Variants in TPH2 observed in about 807,000 individuals in gnomAD.
The protein encoded by TPH2 is tryptophan hydroxylase 2.
In TPH2, 27 loss-of-function variants were observed where a neutral mutation model predicts 59.1. The ratio of observed to expected loss-of-function variants is 0.46; its 90% CI spans 0.34 to 0.63. TPH2 has a LOEUF of 0.63. TPH2 is among the 30% of genes least tolerant of loss of function. The probability of loss-of-function intolerance (pLI) is 0.01; values close to 1 mark genes in which losing one functional copy is unlikely to be tolerated. For missense variants in TPH2, 523 were observed against 588.3 expected (o/e 0.89, Z 1.15); for synonymous variants, 220 against 210.5 (o/e 1.05, Z -0.39).
rs191507707 is a variant in TPH2, at chr12:72,031,304, C to A, written c.1211C>A (p.Thr404Lys). Residue 404 changes from threonine to lysine, a missense_variant, in exon 10 of 11, where the codon ACA (threonine) becomes AAA (lysine). Thr to Lys is a moderately conservative substitution (Grantham distance 78). Coordinates refer to ENST00000333850, the MANE Select transcript of TPH2 (RefSeq NM_173353.4). ...TGTGTGAAAGCCTTTGACCCAAAGA[C>A]AACTTGCTTACAGGAATGCCTTATC... ...KACVKAFDPK[T>K]TCLQECLITT... The A allele has an allele frequency of 6.2e-7, 1 of 1,613,684 alleles. No individual in the cohort carries two copies. The highest frequency in any genetic ancestry group is 8.5e-7 in the Non-Finnish European group (1 of 1,179,636).
chr12:72,031,211 G>A (rs371269226), intron 9 of TPH2, 47 bp from the exon 10 acceptor site: 26 of 1,612,016 alleles, frequency 1.6e-5, no homozygotes, highest in African/African-American at 1.2e-4. Flanking sequence ...ATGGAGCTTC[G>A]GAAGTCTCAT....
At chr12:71,941,782 G>C in intron 2 of TPH2, 49 bp downstream of exon 2, 1 of 1,560,270 alleles carries the variant, frequency 6.4e-7, no homozygotes, top group Admixed American at 1.7e-5. Flanking sequence ...CGTGTGCCTG[G>C]GTACAAACCT....
chr12:71,999,449 A>G (rs1203246326), intron 8 of TPH2, among the ~76,000 whole-genome samples: 2 of 152,218 alleles, frequency 1.3e-5, no homozygotes, highest in African/African-American at 4.8e-5. Context: ...CATACTCATC[A>G]TAGCTGTCCG....
intron 7 of TPH2, among the ~76,000 whole-genome samples, chr12:71,989,584 A>T (rs1364407785): frequency 6.6e-6 from 1 of 152,220 alleles, no homozygotes; most frequent in Non-Finnish European, 1.5e-5. Flanking sequence ...TAAAAGACAG[A>T]TGTGCAGATT....
chr12:71,973,312 G>C (rs1417968672), intron 6 of TPH2, among the ~76,000 whole-genome samples: 1 of 152,134 alleles, frequency 6.6e-6, no homozygotes, highest in Non-Finnish European at 1.5e-5. Flanking sequence ...TGATAAAACA[G>C]GTTGCAGTCA....
chr12:72,020,686 C>A (rs1873385925), intron 8 of TPH2, among the ~76,000 whole-genome samples: 1 of 152,060 alleles, frequency 6.6e-6, no homozygotes, highest in Admixed American at 6.5e-5. Context: ...GGGGTTTCAC[C>A]ATATTGGCCA....
intron 4 of TPH2, 25 bp downstream of exon 4, chr12:71,944,711 C>G (rs1235797769): frequency 6.2e-7 from 1 of 1,600,060 alleles, no homozygotes; most frequent in South Asian, 1.1e-5. Context: ...AAATCTATTT[C>G]TCACATGCTC....
intron 7 of TPH2, among the ~76,000 whole-genome samples, chr12:71,983,596 A>T (rs1305360624): frequency 6.6e-6 from 1 of 152,132 alleles, no homozygotes; most frequent in African/African-American, 2.4e-5. Context: ...GTGCTCTCTC[A>T]TGCTATGCCC....
At chr12:71,966,362 TAAG>T (rs1356567054) in intron 5 of TPH2, among the ~76,000 whole-genome samples, 1 of 152,234 alleles carries the variant, frequency 6.6e-6, no homozygotes, top group Non-Finnish European at 1.5e-5. Context: ...TATTATACTT[TAAG>T]TTCTGAGATA....
chr12:71,971,468 C>G (rs963364071), intron 5 of TPH2, among the ~76,000 whole-genome samples: 1 of 152,162 alleles, frequency 6.6e-6, no homozygotes, highest in African/African-American at 2.4e-5. Context: ...ATTTGGGTCC[C>G]TCAAGCAATA....
intron 7 of TPH2, among the ~76,000 whole-genome samples, chr12:71,992,371 C>T (rs1174371837): frequency 1.3e-5 from 2 of 152,140 alleles, no homozygotes; most frequent in Non-Finnish European, 2.9e-5. Flanking sequence ...CGCTTGAGGT[C>T]AGAAGTTCAA....
chr12:71,957,587 C>T (rs575976642), intron 5 of TPH2, among the ~76,000 whole-genome samples: 4 of 151,956 alleles, frequency 2.6e-5, no homozygotes, highest in South Asian at 2.1e-4. Context: ...CCTCCTGCCT[C>T]GGCCTCCCAA....
At chr12:71,943,537 T>C (rs1056818399) in intron 2 of TPH2, among the ~76,000 whole-genome samples, 4 of 152,202 alleles carry the variant, frequency 2.6e-5, no homozygotes, top group African/African-American at 9.6e-5. Context: ...CAGCAACACA[T>C]CCTTGGCTGA....
intron 5 of TPH2, among the ~76,000 whole-genome samples, chr12:71,956,283 T>C (rs768597356): frequency 1.5e-4 from 23 of 152,194 alleles, no homozygotes; most frequent in Non-Finnish European, 1.9e-4. Flanking sequence ...ATTAGATTCA[T>C]AGACCAACTG....
intron 1 of TPH2, 98 bp downstream of exon 1, chr12:71,939,189 A>G (rs1420003179): frequency 1.2e-5 from 11 of 887,736 alleles, no homozygotes; most frequent in Non-Finnish European, 2.0e-5. Flanking sequence ...AAGCACGCAC[A>G]CCTCAAATTT....
intron 5 of TPH2, chr12:71,961,631 C>T: frequency 7.4e-7 from 1 of 1,352,062 alleles, no homozygotes; most frequent in Non-Finnish European, 9.8e-7. Flanking sequence ...GCTCAAGCTC[C>T]TTGTGTATGT....
intron 7 of TPH2, 77 bp from the exon 8 acceptor site, chr12:71,994,362 G>T (rs1872644206): frequency 1.3e-6 from 2 of 1,535,584 alleles, no homozygotes; most frequent in African/African-American, 2.7e-5. Context: ...GTCTTATTTA[G>T]GTTTTTAAGT....
intron 5 of TPH2, among the ~76,000 whole-genome samples, chr12:71,950,751 G>A (rs1281006133): frequency 6.6e-6 from 1 of 152,106 alleles, no homozygotes; most frequent in Non-Finnish European, 1.5e-5. Context: ...GTCCTGTGAG[G>A]CGAATTTTTC....
intron 6 of TPH2, among the ~76,000 whole-genome samples, chr12:71,978,663 C>T (rs184496239): frequency 3.9e-5 from 6 of 152,306 alleles, no homozygotes; most frequent in African/African-American, 1.4e-4. Flanking sequence ...TCTGAGATTT[C>T]TTATCCTAAT....
Sources: gnomAD v4.1 joint callset for allele counts (sites outside exome capture counted in the v4.1 genomes callset) on GRCh38, gnomAD v4.1.1 for gene constraint, MANE v1.5 for transcripts, NCBI Gene and HGNC (gene_info 2026-07-23, HGNC 2026-07-21) for gene names.